The following PRORP variants were observed in gnomAD, a reference collection of about 807,000 sequenced individuals.
PRORP encodes the protein mitochondrial ribonuclease P catalytic subunit.
Under a neutral mutation model 59.4 loss-of-function variants are expected in PRORP, and 51 were observed. The ratio of observed to expected loss-of-function variants is 0.86; its 90% CI spans 0.69 to 1.08. PRORP has a LOEUF of 1.08. PRORP is among the 50% of genes least tolerant of loss of function. The pLI is 0.00. For missense variants in PRORP, 646 were observed against 690.3 expected (o/e 0.94, Z 0.72); for synonymous variants, 231 against 245.6 (o/e 0.94, Z 0.55).
intron 5 of PRORP, among the ~76,000 whole-genome samples, chr14:35,181,173 T>C (rs2139040352): frequency 6.6e-6 from 1 of 152,310 alleles, no homozygotes; most frequent in Admixed American, 6.5e-5. Flanking sequence ...CACTCATTAC[T>C]CACATTTGTT....
At chr14:35,236,063 T>C (rs2050202521) in intron 5 of PRORP, among the ~76,000 whole-genome samples, 1 of 123,228 alleles carries the variant, frequency 8.1e-6, no homozygotes, top group Non-Finnish European at 1.6e-5. Context: ...GCCACTGCAC[T>C]CCAACCTGGG....
rs1594369431 is a variant in PRORP at position 35,277,218 on chromosome 14, T to C, written c.*3652T>C. The C allele has an allele frequency of 6.6e-6, 1 of 151,926 alleles. No homozygotes were observed. Among genetic ancestry groups the C allele is most frequent in the African/African-American group, 2.4e-5 (1 of 41,320 alleles). 9.4% of individuals were successfully genotyped at this position (151,926 alleles called of 1,614,324 possible). A position where few individuals can be genotyped will look rare whatever the true frequency, so the allele number is the denominator to read the frequency against. On this transcript the variant is annotated 3_prime_UTR_variant, in exon 8 of 8. Transcript: ENST00000534898. ...TTTTTGCATTTTTAGTAGAGACGGG[T>C]TTTCACCATGTTGCCCCGGTTGCTC...
chr14:35,196,524 G>A (rs2049013984), intron 5 of PRORP, among the ~76,000 whole-genome samples: 1 of 152,098 alleles, frequency 6.6e-6, no homozygotes, highest in African/African-American at 2.4e-5. Flanking sequence ...ATCACATGGG[G>A]AAAAGTAAAT....
chr14:35,267,227 G>A (rs559902273), intron 6 of PRORP, among the ~76,000 whole-genome samples: 2 of 152,268 alleles, frequency 1.3e-5, no homozygotes, highest in East Asian at 3.9e-4. Flanking sequence ...TGTTCTTGGA[G>A]AAAGAGCAGT....
chr14:35,267,070 C>T (rs1276207109), intron 6 of PRORP, among the ~76,000 whole-genome samples, 195 bp downstream of exon 6: 1 of 150,822 alleles, frequency 6.6e-6, no homozygotes, highest in Admixed American at 6.6e-5. Flanking sequence ...GTTTCTACGG[C>T]AGGATAAACT....
At chr14:35,132,157 G>A (rs577945217) in intron 4 of PRORP, among the ~76,000 whole-genome samples, 2 of 151,240 alleles carry the variant, frequency 1.3e-5, no homozygotes, top group Admixed American at 6.6e-5. Flanking sequence ...TTCTTTATCC[G>A]TTGAAGGTTG....
chr14:35,204,873 A>G (rs1245442686), intron 5 of PRORP, among the ~76,000 whole-genome samples: 3 of 152,090 alleles, frequency 2.0e-5, no homozygotes, highest in Admixed American at 6.5e-5. Context: ...TTTGTTTTTC[A>G]CTAACATTTA....
In PRORP at chr14:35,123,471, A is replaced by G. The variant is rs768342043; in HGVS notation, c.226A>G (p.Lys76Glu). Residue 76 changes from lysine to glutamate, a missense_variant, in exon 2 of 8, where the codon AAG becomes GAG. Transcript: ENST00000534898. Reference sequence around the variant, plus strand: ...TCTCAGGAAAGATGAGGGCAGTAATAAGCAAGTTTATTCTGTTCCTCATTT... The same window carrying G: ...TCTCAGGAAAGATGAGGGCAGTAATGAGCAAGTTTATTCTGTTCCTCATTT... ...RYLRKDEGSN[K>E]QVYSVPHFFL... is the part of the protein sequence containing the mutation. The G allele has an allele frequency of 6.8e-6, 11 of 1,614,066 alleles. No individual in the cohort carries two copies. In the African/African-American group the frequency reaches 8.0e-5, roughly 12 times the overall value.
chr14:35,266,808 T>C lies in PRORP; in HGVS notation c.1357T>C (p.Ser453Pro), dbSNP rs765973938. The C allele has an allele frequency of 6.2e-7, 1 of 1,614,094 alleles. No homozygotes were observed. The highest frequency in any genetic ancestry group is 8.5e-7 in the Non-Finnish European group (1 of 1,180,018). Reference sequence around the variant, plus strand: ...CCGGAAGCACATGCTAAGACGGAGTTCCCAGTGGAGTCGGGATGAGATGGA... The same window carrying C: ...CCGGAAGCACATGCTAAGACGGAGTCCCCAGTGGAGTCGGGATGAGATGGA... ...LGRKHMLRRSSQWSRDEMEEV... is the reference protein window; with the variant it reads ...LGRKHMLRRSPQWSRDEMEEV... Residue 453 changes from serine (S) to proline (P), a missense_variant, in exon 6 of 8, where the codon TCC becomes CCC. Physicochemically the swap from Ser to Pro is moderately conservative, Grantham distance 74. Coordinates refer to ENST00000534898, the MANE Select transcript of PRORP (RefSeq NM_014672.4).
At chr14:35,122,532 C>G (rs2046949817), upstream of PRORP, 1 of 154,724 alleles carries the variant, frequency 6.5e-6, no homozygotes. Flanking sequence ...GGGGCTGGCG[C>G]GGTGCATCGT....
At chr14:35,159,322 C>T (rs1321357677) in intron 4 of PRORP, among the ~76,000 whole-genome samples, 1 of 152,036 alleles carries the variant, frequency 6.6e-6, no homozygotes, top group Non-Finnish European at 1.5e-5. Flanking sequence ...CTTCTTTTTC[C>T]CCTCATCTAA....
intron 4 of PRORP, among the ~76,000 whole-genome samples, chr14:35,179,606 T>TC (rs1457717298): frequency 2.0e-5 from 3 of 152,188 alleles, no homozygotes; most frequent in Admixed American, 2.0e-4. Context: ...TTTAAGGACT[T>TC]CTCTACACTG....
At chr14:35,237,868 A>G (rs971988361) in intron 5 of PRORP, among the ~76,000 whole-genome samples, 18 of 151,728 alleles carry the variant, frequency 1.2e-4, no homozygotes, top group Non-Finnish European at 2.1e-4. Flanking sequence ...GTTAGCCAGG[A>G]TGGTCTTGAT....
chr14:35,124,871 CTT>C (rs576855221), intron 2 of PRORP, among the ~76,000 whole-genome samples: 30 of 139,262 alleles, frequency 2.2e-4, no homozygotes, highest in East Asian at 1.6e-3. Context: ...TACTCTCTCC[CTT>C]TTTTTTTTTT....
intron 5 of PRORP, among the ~76,000 whole-genome samples, chr14:35,185,855 T>G (rs1230925731): frequency 6.6e-6 from 1 of 152,236 alleles, no homozygotes; most frequent in Non-Finnish European, 1.5e-5. Context: ...AGTGTATACT[T>G]ACATGTTAAT....
At chr14:35,184,188 T>A (rs1341345780) in intron 5 of PRORP, among the ~76,000 whole-genome samples, 1 of 152,170 alleles carries the variant, frequency 6.6e-6, no homozygotes, top group African/African-American at 2.4e-5. Flanking sequence ...ACATTCATTG[T>A]TTATGGAATA....
At chr14:35,157,676 A>G (rs2138931083) in intron 4 of PRORP, among the ~76,000 whole-genome samples, 1 of 152,314 alleles carries the variant, frequency 6.6e-6, no homozygotes, top group East Asian at 1.9e-4. Context: ...AGTGTGAGCC[A>G]CGGTGCCTGG....
Position 35,271,082 on chromosome 14 carries a change from G to A in PRORP, c.1620+486G>A, listed in dbSNP as rs182528622. Among the ~76,000 whole-genome samples, 387 of 149,504 alleles carry A rather than the reference G, an allele frequency of 2.6e-3. 1 individual carries two copies. The highest frequency in any genetic ancestry group is 8.7e-3 in the African/African-American group (355 of 40,618). ...AGCCTGGGCGACAGAGCAAGACTCC[G>A]TCTCAAAAACAAAAAACAACATTTA... On this transcript the variant is annotated intron_variant, in intron 7 of 7. Transcript: ENST00000534898.
chr14:35,147,369 G>T (rs956113435), intron 4 of PRORP, among the ~76,000 whole-genome samples: 1 of 152,054 alleles, frequency 6.6e-6, no homozygotes, highest in African/African-American at 2.4e-5. Flanking sequence ...TTGAGACAGG[G>T]TCTCACTCTG....
Sources: gnomAD v4.1 joint callset for allele counts (sites outside exome capture counted in the v4.1 genomes callset) on GRCh38, gnomAD v4.1.1 for gene constraint, MANE v1.5 for transcripts, NCBI Gene and HGNC (gene_info 2026-07-23, HGNC 2026-07-21) for gene names.